MYOM2: variants seen among roughly 807,000 people sequenced by gnomAD.
MYOM2 encodes myomesin 2.
In MYOM2, 254 loss-of-function variants were observed where a neutral mutation model predicts 187.6. The observed-to-expected ratio is 1.35, with a 90% confidence interval of 1.22 to 1.50. The LOEUF (loss-of-function observed/expected upper bound fraction) is 1.50. MYOM2 is among the 40% of genes most tolerant of loss of function. MYOM2 has a pLI of 0.00. For missense variants in MYOM2, 2,796 were observed against 1,924.0 expected, an observed-to-expected ratio of 1.45 and a Z score of -8.48; for synonymous variants, 981 against 753.8, an observed-to-expected ratio of 1.30 and a Z score of -4.94.
At chr8:2,069,237 C>T (rs757416208) in intron 6 of MYOM2, 41 bp from the exon 7 acceptor site, 4 of 1,583,454 alleles carry the variant, frequency 2.5e-6, no homozygotes, top group Admixed American at 1.7e-5. Flanking sequence ...GACTTTTACA[C>T]AACAGTCCCG....
intron 11 of MYOM2, among the ~76,000 whole-genome samples, chr8:2,078,315 G>C (rs1819504343): frequency 6.6e-6 from 1 of 152,182 alleles, no homozygotes; most frequent in Non-Finnish European, 1.5e-5. Flanking sequence ...AGAGGGGGCT[G>C]AGCCTGTTTC....
chr8:2,062,222 G>A (rs1317374994), intron 6 of MYOM2, among the ~76,000 whole-genome samples: 1 of 152,230 alleles, frequency 6.6e-6, no homozygotes, highest in Non-Finnish European at 1.5e-5. Context: ...CCATTGTAAG[G>A]ACATTGGCTT....
chr8:2,092,577 A>G, intron 16 of MYOM2, 57 bp downstream of exon 16: 1 of 1,570,584 alleles, frequency 6.4e-7, no homozygotes, highest in South Asian at 1.2e-5. Flanking sequence ...AAGACCGTTG[A>G]GGTCCCTGTG....
chr8:2,127,527 T>C (rs1490044219), intron 31 of MYOM2, among the ~76,000 whole-genome samples: 1 of 152,260 alleles, frequency 6.6e-6, no homozygotes, highest in Admixed American at 6.5e-5. Context: ...TTTCCTCCTT[T>C]GCAGTGGACT....
In MYOM2 at chr8:2,099,044, C is replaced by T. The variant is rs879314818; in HGVS notation, c.2440+61C>T. The T allele has an allele frequency of 4.6e-6, 7 of 1,522,210 alleles. No individual in the cohort carries two copies. The Admixed American group carries it at 1.2e-4, about 26-fold the overall frequency. 94.3% of individuals were successfully genotyped at this position (1,522,210 alleles called of 1,614,324 possible). A position where few individuals can be genotyped will look rare whatever the true frequency, so the allele number is the denominator to read the frequency against. On this transcript the variant is annotated intron_variant, in intron 19 of 36. Coordinates refer to ENST00000262113, the MANE Select transcript of MYOM2 (RefSeq NM_003970.4). The stretch of plus-strand genomic sequence containing the variant: ...GCACAGGCTGGCTGGGAAGGGGCCT[C>T]TGTGGCTGCGACTCTGGACTCGCCA...
At chr8:2,074,451 CT>C (rs1819344522) in intron 10 of MYOM2, among the ~76,000 whole-genome samples, 1 of 150,794 alleles carries the variant, frequency 6.6e-6, no homozygotes, top group Non-Finnish European at 1.5e-5. Flanking sequence ...CCCACTCCTC[CT>C]TTTTTTTTAG....
chr8:2,066,176 C>T (rs370756536), intron 6 of MYOM2, among the ~76,000 whole-genome samples: 4 of 152,198 alleles, frequency 2.6e-5, no homozygotes, highest in Non-Finnish European at 5.9e-5. Flanking sequence ...GTGAGTCCTG[C>T]CCTGGTCCAG....
intron 32 of MYOM2, among the ~76,000 whole-genome samples, chr8:2,133,153 GCA>G (rs3842193): frequency 0.13 from 19,772 of 152,100 alleles, 2,187 homozygotes; most frequent in African/African-American, 0.28. Flanking sequence ...TATTTAGACA[GCA>G]GTAGCAAAAG....
chr8:2,060,361 G>C (rs1818811780), intron 6 of MYOM2, among the ~76,000 whole-genome samples: 2 of 152,062 alleles, frequency 1.3e-5, no homozygotes, highest in South Asian at 4.1e-4. Context: ...TTCTCTATAG[G>C]ACTAAAAGAG....
At chr8:2,052,339 A>C in intron 3 of MYOM2, 26 bp downstream of exon 3, 1 of 1,575,596 alleles carries the variant, frequency 6.3e-7, no homozygotes. Context: ...CCCTGACTCC[A>C]CTTGTGCCCT....
rs1666991135 is a variant in MYOM2 at position 2,145,176 on chromosome 8, C to G, written c.*195C>G. ...TCTAAGGGAGAAAGCTAATGTTTTC[C>G]ACAAGACTGAACAACGTGTATTTAC... On this transcript the variant is annotated 3_prime_UTR_variant, in exon 37 of 37. Coordinates refer to ENST00000262113, the MANE Select transcript of MYOM2 (RefSeq NM_003970.4). 2 of 640,940 alleles carry G rather than the reference C, an allele frequency of 3.1e-6. No homozygotes were observed. The highest frequency in any genetic ancestry group is 3.7e-5 in the African/African-American group (2 of 54,522). The allele number at this position is 640,940 out of a possible 1,614,324, so 39.7% of individuals were successfully genotyped here. A position where few individuals can be genotyped will look rare whatever the true frequency, so the allele number is the denominator to read the frequency against.
chr8:2,140,343 G>C (rs1006829525), intron 32 of MYOM2, among the ~76,000 whole-genome samples: 2 of 150,952 alleles, frequency 1.3e-5, no homozygotes, highest in African/African-American at 4.9e-5. Flanking sequence ...AAGGATGTAG[G>C]TGTGACAATA....
intron 32 of MYOM2, among the ~76,000 whole-genome samples, chr8:2,132,825 C>G (rs1447835412): frequency 2.6e-5 from 4 of 152,202 alleles, no homozygotes; most frequent in Non-Finnish European, 4.4e-5. Flanking sequence ...TTTGTAAATG[C>G]TCTCCTAAAA....
chr8:2,085,366 C>A lies in MYOM2; in HGVS notation c.1620C>A (p.Asp540Glu). 1.2e-6 allele frequency: 2 copies of A among 1,613,288 alleles called. No homozygotes were observed. Among genetic ancestry groups the A allele is most frequent in the South Asian group, 1.1e-5 (1 of 91,066 alleles). Residue 540 changes from aspartate (D) to glutamate (E), a missense_variant, in exon 14 of 37, where the codon GAC becomes GAA. Transcript: ENST00000262113. ...SWEPPTPRGK[D>E]PLMYFIEKSV... The stretch of plus-strand genomic sequence containing the variant: ...AGCCACCCACTCCCCGTGGCAAGGA[C>A]CCGCTCATGTACTTCATTGAGAAGG...
intron 2 of MYOM2, among the ~76,000 whole-genome samples, chr8:2,051,203 A>G (rs1412869452): frequency 6.6e-6 from 1 of 152,198 alleles, no homozygotes; most frequent in East Asian, 1.9e-4. Flanking sequence ...AAAAGCAATG[A>G]GATTGAAACT....
intron 6 of MYOM2, among the ~76,000 whole-genome samples, chr8:2,067,165 T>C (rs1819045946): frequency 6.6e-6 from 1 of 152,104 alleles, no homozygotes; most frequent in Admixed American, 6.5e-5. Flanking sequence ...AAATTTTTGA[T>C]CTAAGAAAAT....
chr8:2,060,588 T>C (rs1251283917), intron 6 of MYOM2, among the ~76,000 whole-genome samples: 1 of 152,154 alleles, frequency 6.6e-6, no homozygotes, highest in African/African-American at 2.4e-5. Flanking sequence ...TGTAAAGCAG[T>C]GAGTGCATCA....
rs6420202 is a variant in MYOM2, at chr8:2,092,509, C to A, written c.1992C>A (p.Ile664=). ...GGGAGCCCTGCAACCACAAGCCCATCGGATACAACAGGTGCGGCCTCCCTC... is the reference window on the plus strand; with the variant it reads ...GGGAGCCCTGCAACCACAAGCCCATAGGATACAACAGGTGCGGCCTCCCTC... ...NLWEPCNHKP[I]GYNRFVVHGL... is the part of the protein sequence containing the mutation. The change falls in exon 16 of 37, where the codon ATC becomes ATA. Residue 664 remains isoleucine (I), a synonymous_variant. Coordinates refer to ENST00000262113, the MANE Select transcript of MYOM2 (RefSeq NM_003970.4). 6.2e-7 allele frequency: 1 copy of A among 1,613,850 alleles called. No homozygotes were observed. The highest frequency in any genetic ancestry group is 1.3e-5 in the African/African-American group (1 of 74,896).
Position 2,126,648 on chromosome 8 carries a change from G to T in MYOM2, c.3694+2431G>T, listed in dbSNP as rs539517906. ...ATTGGGGGAGGCTGATACAGGCTGG[G>T]GAAGCACCGGGAGAGGCTGATGGAG... On this transcript the variant is annotated intron_variant, in intron 31 of 36. Transcript: ENST00000262113. 4.0e-5 allele frequency among the ~76,000 whole-genome samples: 6 copies of T among 150,806 alleles called. No homozygotes were observed. The East Asian group carries it at 1.2e-3, about 30-fold the overall frequency.
Sources: gnomAD v4.1 joint callset for allele counts (sites outside exome capture counted in the v4.1 genomes callset) on GRCh38, gnomAD v4.1.1 for gene constraint, MANE v1.5 for transcripts, NCBI Gene and HGNC (gene_info 2026-07-23, HGNC 2026-07-21) for gene names.